The following SPMIP3 variants were observed in gnomAD, a reference collection of about 807,000 sequenced individuals.
SPMIP3 encodes the protein sperm microtubule inner protein 3, also known as protein SPMIP3.
the SPMIP3 span, chr1:244,375,291 A>T: frequency 8.7e-7 from 1 of 1,151,574 alleles, no homozygotes; most frequent in Non-Finnish European, 1.3e-6. Flanking sequence ...TACGTTTTGT[A>T]TTATGCCGCA....
the SPMIP3 span, chr1:244,375,287 T>C: frequency 9.0e-7 from 1 of 1,108,254 alleles, no homozygotes; most frequent in East Asian, 2.4e-5. Flanking sequence ...CAAATACGTT[T>C]TGTATTATGC....
chr1:244,372,336 G>A, the SPMIP3 span, among the ~76,000 whole-genome samples: 1 of 152,118 alleles, frequency 6.6e-6, no homozygotes, highest in African/African-American at 2.4e-5. Context: ...TTCAATAAAT[G>A]TTGGTTGAGT....
the SPMIP3 span, among the ~76,000 whole-genome samples, chr1:244,381,175 A>G: frequency 0.013 from 2,008 of 151,922 alleles, 54 homozygotes; most frequent in African/African-American, 0.046. Flanking sequence ...GGGGCAGTAG[A>G]AGTTGCTGGG....
the SPMIP3 span, chr1:244,364,807 G>A: frequency 3.2e-6 from 5 of 1,573,204 alleles, no homozygotes; most frequent in Non-Finnish European, 3.5e-6. Flanking sequence ...AGGCAGCCAG[G>A]TGCCTGGGGA....
At chr1:244,354,036 A>T in the SPMIP3 span, among the ~76,000 whole-genome samples, 1 of 152,180 alleles carries the variant, frequency 6.6e-6, no homozygotes, top group African/African-American at 2.4e-5. Context: ...ATGAGCACAG[A>T]TGCAACACTT....
At chr1:244,373,332 T>TTTATATATATATATA in the SPMIP3 span, among the ~76,000 whole-genome samples, 6 of 85,140 alleles carry the variant, frequency 7.0e-5, no homozygotes, top group African/African-American at 2.5e-4. Flanking sequence ...CAAAAAAAAA[T>TTTATATATATATATA]TATATATATA....
the SPMIP3 span, among the ~76,000 whole-genome samples, chr1:244,381,158 G>A: frequency 1.3e-5 from 2 of 151,976 alleles, no homozygotes; most frequent in African/African-American, 4.8e-5. Context: ...AAGGATGTAC[G>A]AGGCTTGGGG....
the SPMIP3 span, among the ~76,000 whole-genome samples, chr1:244,381,904 G>A: frequency 3.9e-5 from 6 of 152,206 alleles, no homozygotes; most frequent in East Asian, 1.2e-3. Flanking sequence ...GCGCATGACA[G>A]TGACAGAGCA....
the SPMIP3 span, chr1:244,378,329 G>A: frequency 1.3e-6 from 1 of 799,408 alleles, no homozygotes; most frequent in African/African-American, 1.7e-5. Context: ...TGCCAGGGCT[G>A]GTCGCAGAGC....
chr1:244,373,040 C>T, the SPMIP3 span, among the ~76,000 whole-genome samples: 1 of 151,980 alleles, frequency 6.6e-6, no homozygotes, highest in East Asian at 1.9e-4. Context: ...TAAAGCACTA[C>T]AATCACTTCC....
the SPMIP3 span, among the ~76,000 whole-genome samples, chr1:244,353,368 G>A: frequency 6.6e-6 from 1 of 152,246 alleles, no homozygotes; most frequent in South Asian, 2.1e-4. Flanking sequence ...AACGTAGCAA[G>A]GTCCTGTCTC....
chr1:244,386,130 A>T, the SPMIP3 span, among the ~76,000 whole-genome samples: 22 of 152,282 alleles, frequency 1.4e-4, no homozygotes, highest in Admixed American at 1.3e-3. Context: ...GTGAGCCAAG[A>T]TCGCACCACT....
chr1:244,360,559 TGCATGC>T, the SPMIP3 span, among the ~76,000 whole-genome samples: 1 of 9,040 alleles, frequency 1.1e-4, no homozygotes, highest in African/African-American at 3.1e-4. Context: ...CACACACACA[TGCATGC>T]ATGGAATATT....
chr1:244,380,704 A>T, the SPMIP3 span, among the ~76,000 whole-genome samples: 1 of 152,134 alleles, frequency 6.6e-6, no homozygotes, highest in African/African-American at 2.4e-5. Flanking sequence ...TATTTATTTA[A>T]TAGTCTTCTT....
the SPMIP3 span, chr1:244,364,843 A>G: frequency 1.5e-6 from 2 of 1,344,478 alleles, no homozygotes; most frequent in African/African-American, 1.4e-5. Context: ...CCTGCTGCTC[A>G]GTGGTCCAGA....
the SPMIP3 span, among the ~76,000 whole-genome samples, chr1:244,356,245 T>C: frequency 4.6e-5 from 7 of 152,328 alleles, no homozygotes; most frequent in African/African-American, 1.4e-4. Flanking sequence ...AACCATTATG[T>C]ACGATGCTAG....
At chr1:244,387,927 T>C in the SPMIP3 span, among the ~76,000 whole-genome samples, 6 of 146,586 alleles carry the variant, frequency 4.1e-5, no homozygotes, top group South Asian at 2.1e-4. Context: ...GCTTTTCTCT[T>C]TTTTTTTTTT....
At chr1:244,356,082 T>G in the SPMIP3 span, among the ~76,000 whole-genome samples, 1 of 152,262 alleles carries the variant, frequency 6.6e-6, no homozygotes, top group Admixed American at 6.5e-5. Context: ...TGGACAATTA[T>G]GTCATTTGCA....
chr1:244,370,205 AC>A, the SPMIP3 span, among the ~76,000 whole-genome samples: 1 of 152,122 alleles, frequency 6.6e-6, no homozygotes, highest in Non-Finnish European at 1.5e-5. Flanking sequence ...TGTCTCGTTT[AC>A]TCTCATGCAA....
Sources: gnomAD v4.1 joint callset for allele counts (sites outside exome capture counted in the v4.1 genomes callset) on GRCh38, gnomAD v4.1.1 for gene constraint, MANE v1.5 for transcripts, NCBI Gene and HGNC (gene_info 2026-07-23, HGNC 2026-07-21) for gene names.